The following REV3L variants were observed in gnomAD, a reference collection of about 807,000 sequenced individuals.
REV3L encodes DNA polymerase zeta catalytic subunit.
REV3L carries 69 observed loss-of-function variants against 299.4 expected under a neutral mutation model. The observed-to-expected ratio is 0.23, with a 90% CI of 0.19 to 0.28. The LOEUF is 0.28. Ranked by LOEUF, REV3L falls within the 10% of genes least tolerant of loss-of-function variation. The pLI is 1.00. For synonymous variants in REV3L, 1,238 were observed against 1,271.4 expected (o/e 0.97, Z 0.56); for missense variants, 3,128 against 3,693.8 (o/e 0.85, Z 3.97).
chr6:111,316,815 A>C (rs1407759463), intron 26 of REV3L, among the ~76,000 whole-genome samples: 1 of 152,256 alleles, frequency 6.6e-6, no homozygotes, highest in Non-Finnish European at 1.5e-5. Context: ...CACTTTGTGT[A>C]TATCTGTAAA....
intron 16 of REV3L, among the ~76,000 whole-genome samples, chr6:111,363,453 G>A (rs538984114): frequency 3.3e-5 from 5 of 152,060 alleles, no homozygotes; most frequent in East Asian, 1.9e-4. Context: ...CTATAGGTGC[G>A]CGCCACCATG....
intron 21 of REV3L, among the ~76,000 whole-genome samples, chr6:111,338,635 CA>C (rs1352261123): frequency 6.6e-6 from 1 of 151,352 alleles, no homozygotes; most frequent in African/African-American, 2.4e-5. Context: ...TGTTTTTGGG[CA>C]AAAATGGTGA....
chr6:111,454,827 T>A (rs1248405930), intron 1 of REV3L, among the ~76,000 whole-genome samples: 1 of 152,074 alleles, frequency 6.6e-6, no homozygotes, highest in Non-Finnish European at 1.5e-5. Flanking sequence ...CCACCACACC[T>A]GGCTAATTTT....
intron 2 of REV3L, 77 bp downstream of exon 2, chr6:111,416,200 AGAGTTT>A (rs2128284365): frequency 1.1e-6 from 1 of 927,446 alleles, no homozygotes; most frequent in East Asian, 2.8e-5. Context: ...TAAAAGAAAT[AGAGTTT>A]ATCAACTGAG....
chr6:111,468,703 T>C (rs1791812309), intron 1 of REV3L, among the ~76,000 whole-genome samples: 1 of 152,212 alleles, frequency 6.6e-6, no homozygotes, highest in South Asian at 2.1e-4. Flanking sequence ...TATTAGTTTT[T>C]CTCATTTGAA....
At position 111,299,091 on chromosome 6, in the gene REV3L, A is replaced by C. The variant is rs1061388; in HGVS notation, c.*925T>G. On this transcript the variant is annotated 3_prime_UTR_variant, in exon 32 of 32. Coordinates refer to ENST00000368802, the MANE Select transcript of REV3L (RefSeq NM_001372078.1). ...TTTCCATTATTAACTTTTAAAACAA[A>C]ATGATTTCCAGTTTAAAAAACAATG... is the stretch of plus-strand genomic sequence containing the variant. 15,290 of 152,468 alleles carry C rather than the reference A, an allele frequency of 0.1. 1,010 individuals are homozygous for C. The highest frequency in any genetic ancestry group is 0.18 in the Middle Eastern group (54 of 292). 9.4% of individuals were successfully genotyped at this position (152,468 alleles called of 1,614,324 possible).
intron 1 of REV3L, among the ~76,000 whole-genome samples, chr6:111,457,616 A>G (rs953796295): frequency 2.6e-5 from 4 of 151,962 alleles, no homozygotes; most frequent in African/African-American, 9.7e-5. Context: ...ATTATCATCA[A>G]GGTAATCTCC....
At position 111,376,667 on chromosome 6, in the gene REV3L, T is replaced by C; in HGVS notation, c.1688A>G (p.Asp563Gly). 6.2e-7 allele frequency: 1 copy of C among 1,611,478 alleles called. No individual in the cohort carries two copies. The highest frequency in any genetic ancestry group is 8.5e-7 in the Non-Finnish European group (1 of 1,179,778). ...LSVKPSIFHK[D>G]AATLEPSSSA... ...AGATGAGGGTTCTAATGTAGCAGCA[T>C]CTTTGTGAAAGATGGAGGGTTTAAC... The change falls in exon 13 of 32, where the codon GAT becomes GGT. Residue 563 changes from aspartate to glycine, a missense_variant. This residue lies in a region of REV3L where 2,409 missense variants were observed against 2,611.8 expected (regional missense o/e 0.92). Coordinates refer to ENST00000368802, the MANE Select transcript of REV3L (RefSeq NM_001372078.1).
Position 111,390,109 on chromosome 6 carries a change from A to G in REV3L, c.734T>C (p.Ile245Thr). ...ACCTTCAATGTCCAGACGATTTAAG[A>G]TATCAGCAGCTACAGCATCCACTTC... ...ELEVDAVAAD[I>T]LNRLDIEAQI... Residue 245 changes from isoleucine (I) to threonine (T), a missense_variant, in exon 6 of 32, where the codon ATC becomes ACC. This residue lies in a region of REV3L where 2,409 missense variants were observed against 2,611.8 expected (regional missense o/e 0.92). Coordinates refer to ENST00000368802, the MANE Select transcript of REV3L (RefSeq NM_001372078.1). The G allele has an allele frequency of 6.2e-7, 1 of 1,608,386 alleles. No individual in the cohort carries two copies. The highest frequency in any genetic ancestry group is 8.5e-7 in the Non-Finnish European group (1 of 1,175,006).
At chr6:111,370,586 C>T (rs1779704853) in intron 13 of REV3L, among the ~76,000 whole-genome samples, 1 of 152,154 alleles carries the variant, frequency 6.6e-6, no homozygotes, top group African/African-American at 2.4e-5. Flanking sequence ...AACAAATTAA[C>T]ATATCCATCA....
intron 1 of REV3L, among the ~76,000 whole-genome samples, chr6:111,459,211 G>T (rs1422050289): frequency 2.0e-5 from 3 of 152,008 alleles, no homozygotes; most frequent in Non-Finnish European, 4.4e-5. Context: ...CATGGTGCTG[G>T]GATAACTGGC....
At chr6:111,482,337 A>T (rs1793828030) in intron 1 of REV3L, among the ~76,000 whole-genome samples, 2 of 152,178 alleles carry the variant, frequency 1.3e-5, no homozygotes, top group African/African-American at 4.8e-5. Flanking sequence ...TGGGGGACAC[A>T]AGGGATGTCC....
chr6:111,346,958 A>G (rs990156534), intron 20 of REV3L, among the ~76,000 whole-genome samples: 1 of 152,176 alleles, frequency 6.6e-6, no homozygotes, highest in Non-Finnish European at 1.5e-5. Context: ...ATCTCAGGCA[A>G]TATCAGACTA....
intron 2 of REV3L, among the ~76,000 whole-genome samples, chr6:111,416,015 A>G (rs952265300): frequency 3.9e-5 from 6 of 152,230 alleles, no homozygotes; most frequent in African/African-American, 1.4e-4. Context: ...TTTAAGAAAT[A>G]TTTGCTGAAT....
At chr6:111,403,256 T>G (rs192053007) in intron 4 of REV3L, among the ~76,000 whole-genome samples, 53 of 152,318 alleles carry the variant, frequency 3.5e-4, no homozygotes, top group African/African-American at 1.3e-3. Context: ...TGGGGGTGAC[T>G]GCTACAGGTC....
At chr6:111,437,248 G>A (rs998660495) in intron 1 of REV3L, among the ~76,000 whole-genome samples, 3 of 152,132 alleles carry the variant, frequency 2.0e-5, no homozygotes, top group South Asian at 4.1e-4. Flanking sequence ...ATATGTCTAA[G>A]AGAAATGAAA....
chr6:111,305,707 G>A (rs1279564953), intron 31 of REV3L, among the ~76,000 whole-genome samples: 2 of 152,154 alleles, frequency 1.3e-5, no homozygotes, highest in Admixed American at 1.3e-4. Context: ...TTGTCATTGA[G>A]TGCAGAAAAA....
At chr6:111,392,686 T>G (rs1385207725) in intron 5 of REV3L, 190 bp downstream of exon 5, 1 of 459,414 alleles carries the variant, frequency 2.2e-6, no homozygotes, top group African/African-American at 1.9e-5. Flanking sequence ...AACTAGTACA[T>G]TTTCATGGTT....
At chr6:111,474,065 TATC>T (rs901328446) in intron 1 of REV3L, among the ~76,000 whole-genome samples, 14 of 152,304 alleles carry the variant, frequency 9.2e-5, no homozygotes, top group East Asian at 7.7e-4. Context: ...GAAAAAAAAT[TATC>T]ATATTTTCTA....
Sources: allele counts gnomAD v4.1 joint callset (sites outside exome capture counted in the v4.1 genomes callset), GRCh38; gene constraint gnomAD v4.1.1; regional missense constraint gnomAD v4.1.1; transcripts MANE v1.5; gene names NCBI Gene and HGNC (gene_info 2026-07-23, HGNC 2026-07-21).